Variants in PLD5 observed in about 807,000 individuals in gnomAD.
The protein encoded by PLD5 is phospholipase D family member 5.
A neutral mutation model predicts 61.1 loss-of-function variants in PLD5; 36 were observed. The observed-to-expected ratio is 0.59, with a 90% CI of 0.45 to 0.78. The LOEUF (loss-of-function observed/expected upper bound fraction) is 0.78, where lower values mean the gene tolerates loss of function less well. PLD5 is among the 30% of genes least tolerant of loss of function. The pLI, the probability that PLD5 is intolerant of heterozygous loss-of-function variation, is 0.00. For synonymous variants in PLD5, 243 were observed against 242.8 expected, an observed-to-expected ratio of 1.00 and a Z score of -0.01; for missense variants, 515 against 644.4, an observed-to-expected ratio of 0.80 and a Z score of 2.17.
At chr1:242,377,648 G>A (rs986458541) in intron 1 of PLD5, among the ~76,000 whole-genome samples, 10 of 151,750 alleles carry the variant, frequency 6.6e-5, no homozygotes, top group Non-Finnish European at 1.3e-4. Flanking sequence ...AAAAAAGCAG[G>A]TAAATAAATA....
intron 1 of PLD5, among the ~76,000 whole-genome samples, chr1:242,442,402 C>A (rs575991988): frequency 6.6e-6 from 1 of 152,168 alleles, no homozygotes; most frequent in Non-Finnish European, 1.5e-5. Context: ...CCAGGTATTA[C>A]GTCCACTTTA....
intron 1 of PLD5, among the ~76,000 whole-genome samples, chr1:242,464,399 C>T (rs1411129849): frequency 6.6e-6 from 1 of 152,212 alleles, no homozygotes; most frequent in Non-Finnish European, 1.5e-5. Flanking sequence ...CCATTCTTCC[C>T]TATTTAGCAC....
intron 2 of PLD5, among the ~76,000 whole-genome samples, chr1:242,320,869 C>T (rs1232618771): frequency 6.6e-6 from 1 of 151,910 alleles, no homozygotes; most frequent in Non-Finnish European, 1.5e-5. Context: ...TTAAAGCTCT[C>T]CAAGTGATTC....
chr1:242,459,531 T>C (rs569256878), intron 1 of PLD5, among the ~76,000 whole-genome samples: 1 of 152,350 alleles, frequency 6.6e-6, no homozygotes, highest in Admixed American at 6.5e-5. Context: ...CGCCAAGCTA[T>C]GATTGCTATG....
At chr1:242,513,619 C>A (rs1669006459) in intron 1 of PLD5, among the ~76,000 whole-genome samples, 1 of 152,252 alleles carries the variant, frequency 6.6e-6, no homozygotes, top group African/African-American at 2.4e-5. Context: ...TATGCTGAAT[C>A]TTCCGAAGTC....
intron 3 of PLD5, among the ~76,000 whole-genome samples, chr1:242,271,259 CA>C (rs1384950323): frequency 1.4e-5 from 2 of 138,138 alleles, no homozygotes; most frequent in East Asian, 4.2e-4. Flanking sequence ...TAAGGGGAAT[CA>C]GGGGAAAAGG....
At chr1:242,503,081 T>A (rs1270099970) in intron 1 of PLD5, among the ~76,000 whole-genome samples, 1 of 151,016 alleles carries the variant, frequency 6.6e-6, no homozygotes, top group Non-Finnish European at 1.5e-5. Flanking sequence ...CAAAACAGAG[T>A]CCTGCGGAGG....
chr1:242,326,725 G>C (rs1658812638), intron 2 of PLD5, among the ~76,000 whole-genome samples: 1 of 151,790 alleles, frequency 6.6e-6, no homozygotes, highest in Non-Finnish European at 1.5e-5. Context: ...TTTTGTTTTT[G>C]AGACAGGGTC....
At position 242,171,918 on chromosome 1, in the gene PLD5, G is replaced by A. The variant is rs559843955; in HGVS notation, c.736-47253C>T. Among the ~76,000 whole-genome samples the A allele has an allele frequency of 3.4e-4, 52 of 152,276 alleles. 1 individual carries two copies. In the South Asian group the frequency reaches 0.01, roughly 30 times the overall value. On this transcript the variant is annotated intron_variant, in intron 5 of 9. Coordinates refer to ENST00000536534, the MANE Select transcript of PLD5 (RefSeq NM_001372062.1). The stretch of plus-strand genomic sequence containing the variant: ...AAGCAAGTTCTAAGAGACCTACAAA[G>A]AGACAAAGACTCCCACACAATAATA...
chr1:242,305,328 A>G (rs1237696441), intron 2 of PLD5, among the ~76,000 whole-genome samples: 4 of 152,158 alleles, frequency 2.6e-5, no homozygotes, highest in African/African-American at 9.6e-5. Flanking sequence ...CTGCAACTGT[A>G]GTTATTGTTA....
chr1:242,175,001 C>A (rs1667028933), intron 5 of PLD5, among the ~76,000 whole-genome samples: 2 of 152,042 alleles, frequency 1.3e-5, no homozygotes. Flanking sequence ...TGTAACAAAC[C>A]TGCACGTTGT....
At chr1:242,190,356 C>T (rs1457265087) in intron 5 of PLD5, among the ~76,000 whole-genome samples, 2 of 151,596 alleles carry the variant, frequency 1.3e-5, no homozygotes, top group Non-Finnish European at 2.9e-5. Flanking sequence ...CCATGTTAGC[C>T]AGGATGGTCT....
chr1:242,111,351 C>T (rs1558231753), intron 7 of PLD5, among the ~76,000 whole-genome samples: 2 of 152,180 alleles, frequency 1.3e-5, no homozygotes, highest in Non-Finnish European at 2.9e-5. Context: ...GCCACCGTGC[C>T]TGGCCGGCTT....
intron 4 of PLD5, among the ~76,000 whole-genome samples, chr1:242,248,618 G>A (rs1558395383): frequency 6.6e-6 from 1 of 151,764 alleles, no homozygotes; most frequent in Admixed American, 6.6e-5. Flanking sequence ...AAGGCTGAAG[G>A]GAGCTCATAT....
intron 5 of PLD5, among the ~76,000 whole-genome samples, chr1:242,151,940 G>A (rs1357610552): frequency 6.6e-6 from 1 of 151,822 alleles, no homozygotes; most frequent in Non-Finnish European, 1.5e-5. Context: ...TTCTCCCAGT[G>A]GTAACAACTT....
intron 5 of PLD5, among the ~76,000 whole-genome samples, chr1:242,156,697 T>C (rs1364566636): frequency 3.3e-5 from 5 of 152,242 alleles, no homozygotes; most frequent in Non-Finnish European, 5.9e-5. Context: ...TCTTCTGGCT[T>C]GTAGGGTTTC....
chr1:242,362,821 A>G (rs929719871), intron 1 of PLD5, among the ~76,000 whole-genome samples: 5 of 151,918 alleles, frequency 3.3e-5, no homozygotes, highest in African/African-American at 1.2e-4. Flanking sequence ...CCCTTTCCTG[A>G]GGGACTTTAA....
chr1:242,491,360 A>G (rs576587757), intron 1 of PLD5, among the ~76,000 whole-genome samples: 5 of 152,334 alleles, frequency 3.3e-5, no homozygotes, highest in South Asian at 4.1e-4. Flanking sequence ...AGAGATATGT[A>G]TAATAGATAC....
chr1:242,437,356 G>A (rs757708344), intron 1 of PLD5, among the ~76,000 whole-genome samples: 1 of 152,048 alleles, frequency 6.6e-6, no homozygotes, highest in Non-Finnish European at 1.5e-5. Context: ...GATGCCCTGC[G>A]GTTCACTCAT....
Sources: gnomAD v4.1 joint callset for allele counts (sites outside exome capture counted in the v4.1 genomes callset) on GRCh38, gnomAD v4.1.1 for gene constraint, MANE v1.5 for transcripts, NCBI Gene and HGNC (gene_info 2026-07-23, HGNC 2026-07-21) for gene names.